The following KCNT2 variants were observed in gnomAD, a reference collection of about 807,000 sequenced individuals.
KCNT2 encodes potassium channel subfamily T member 2.
KCNT2 carries 67 observed loss-of-function variants against 153.8 expected under a neutral mutation model. The observed-to-expected ratio is 0.44, with a 90% CI of 0.36 to 0.53. KCNT2 has a LOEUF of 0.53. Among genes scored for constraint, KCNT2 ranks in the 20% least tolerant of loss-of-function variants. The pLI, the probability that KCNT2 is intolerant of heterozygous loss-of-function variation, is 0.00. For missense variants in KCNT2, 975 were observed against 1,354.8 expected (o/e 0.72, Z 4.40); for synonymous variants, 500 against 458.8 (o/e 1.09, Z -1.15).
At chr1:196,593,527 C>T (rs1663672670) in intron 1 of KCNT2, among the ~76,000 whole-genome samples, 3 of 151,340 alleles carry the variant, frequency 2.0e-5, no homozygotes, top group South Asian at 4.2e-4. Context: ...GGATTGGTTT[C>T]GAAAATAACT....
chr1:196,251,093 A>G (rs1049259570), intron 26 of KCNT2, among the ~76,000 whole-genome samples: 1 of 152,076 alleles, frequency 6.6e-6, no homozygotes, highest in Non-Finnish European at 1.5e-5. Flanking sequence ...AAACATAACT[A>G]CCATATGATC....
At chr1:196,444,153 C>G (rs1675485023) in intron 8 of KCNT2, among the ~76,000 whole-genome samples, 1 of 150,854 alleles carries the variant, frequency 6.6e-6, no homozygotes, top group Admixed American at 6.6e-5. Context: ...ATGTGTGGGT[C>G]TACAGGTATG....
At chr1:196,435,259 T>G (rs1674552960) in intron 8 of KCNT2, among the ~76,000 whole-genome samples, 1 of 147,506 alleles carries the variant, frequency 6.8e-6, no homozygotes, top group African/African-American at 2.5e-5. Context: ...CTTCACTATT[T>G]GGACTGTTTA....
At chr1:196,501,201 G>T (rs1156644509) in intron 1 of KCNT2, among the ~76,000 whole-genome samples, 4 of 152,150 alleles carry the variant, frequency 2.6e-5, no homozygotes, top group Non-Finnish European at 5.9e-5. Context: ...CAACTTCTGG[G>T]TATGTACCCA....
At chr1:196,233,059 G>T (rs116366329) in intron 27 of KCNT2, among the ~76,000 whole-genome samples, 2,135 of 151,304 alleles carry the variant, frequency 0.014, 42 homozygotes, top group African/African-American at 0.049. Context: ...AAATGTGGAT[G>T]CCATGAAAAA....
intron 1 of KCNT2, among the ~76,000 whole-genome samples, chr1:196,527,249 T>C (rs1214462261): frequency 1.3e-5 from 2 of 152,162 alleles, no homozygotes; most frequent in Non-Finnish European, 2.9e-5. Context: ...GCAAGTTATC[T>C]CTTTTATTCA....
chr1:196,409,529 C>A (rs1011688691), intron 12 of KCNT2, among the ~76,000 whole-genome samples: 3 of 151,488 alleles, frequency 2.0e-5, no homozygotes, highest in Non-Finnish European at 4.4e-5. Context: ...TTTAAAATTT[C>A]AAATTATATA....
intron 1 of KCNT2, among the ~76,000 whole-genome samples, chr1:196,547,676 A>T (rs1461114612): frequency 6.6e-6 from 1 of 151,936 alleles, no homozygotes; most frequent in African/African-American, 2.4e-5. Flanking sequence ...TCCATCCATT[A>T]TATCTACATA....
chr1:196,404,636 G>T (rs910145441), intron 12 of KCNT2, among the ~76,000 whole-genome samples: 2 of 151,318 alleles, frequency 1.3e-5, no homozygotes, highest in African/African-American at 4.8e-5. Flanking sequence ...CTTTTCTTCT[G>T]ACTACTGGTA....
chr1:196,580,074 C>T (rs1273281631), intron 1 of KCNT2, among the ~76,000 whole-genome samples: 1 of 152,134 alleles, frequency 6.6e-6, no homozygotes, highest in Non-Finnish European at 1.5e-5. Flanking sequence ...ACTTTTCCTC[C>T]TGAAACCATT....
intron 1 of KCNT2, among the ~76,000 whole-genome samples, chr1:196,595,246 T>C (rs1663902112): frequency 6.6e-6 from 1 of 152,046 alleles, no homozygotes; most frequent in Non-Finnish European, 1.5e-5. Flanking sequence ...AATAATTATA[T>C]TGATATTAAT....
intron 12 of KCNT2, among the ~76,000 whole-genome samples, chr1:196,410,084 C>T (rs539570485): frequency 1.3e-5 from 2 of 151,728 alleles, no homozygotes; most frequent in East Asian, 2.0e-4. Flanking sequence ...TTGTTGGCCA[C>T]TTGTATGTCT....
At chr1:196,376,047 A>AT (rs1321198173) in intron 13 of KCNT2, among the ~76,000 whole-genome samples, 7 of 151,950 alleles carry the variant, frequency 4.6e-5, no homozygotes, top group Non-Finnish European at 1.5e-5. Flanking sequence ...CTCTTGGGAC[A>AT]TTTTTTAGAA....
At chr1:196,241,157 G>A (rs150786747) in intron 26 of KCNT2, among the ~76,000 whole-genome samples, 1 of 151,990 alleles carries the variant, frequency 6.6e-6, no homozygotes, top group South Asian at 2.1e-4. Flanking sequence ...ATAAGTAAAA[G>A]AAATAGGTGC....
At chr1:196,395,501 T>A (rs752968621) in intron 13 of KCNT2, among the ~76,000 whole-genome samples, 16 of 151,620 alleles carry the variant, frequency 1.1e-4, no homozygotes, top group Non-Finnish European at 2.1e-4. Context: ...GCTTAAAACA[T>A]CACTTACTGG....
chr1:196,500,541 T>C (rs1680618616), intron 1 of KCNT2, among the ~76,000 whole-genome samples: 1 of 152,214 alleles, frequency 6.6e-6, no homozygotes. Context: ...CCACAAATAG[T>C]GGGCTATCCC....
intron 19 of KCNT2, among the ~76,000 whole-genome samples, chr1:196,323,510 A>G (rs931882829): frequency 3.3e-5 from 5 of 151,946 alleles, no homozygotes; most frequent in African/African-American, 1.2e-4. Context: ...AACTGACACC[A>G]GCTCTAATGA....
chr1:196,427,601 G>T lies in KCNT2; in HGVS notation c.984+504C>A, dbSNP rs148489369. 2.8e-3 allele frequency among the ~76,000 whole-genome samples: 421 copies of T among 151,978 alleles called. 1 individual carries two copies. The highest frequency in any genetic ancestry group is 9.7e-3 in the African/African-American group (403 of 41,502). On this transcript the variant is annotated intron_variant, in intron 10 of 27. Coordinates refer to ENST00000294725, the MANE Select transcript of KCNT2 (RefSeq NM_198503.5). ...TTCAGCTAGTTATTGTCCAATTTTTGGTCATGTATTGCTATACATATAGGA... is the reference window on the plus strand; with the variant it reads ...TTCAGCTAGTTATTGTCCAATTTTTTGTCATGTATTGCTATACATATAGGA...
intron 16 of KCNT2, among the ~76,000 whole-genome samples, chr1:196,338,069 G>T (rs569963143): frequency 6.6e-6 from 1 of 152,010 alleles, no homozygotes; most frequent in Non-Finnish European, 1.5e-5. Context: ...AATGAATATT[G>T]CTACTGTAGA....
Sources: allele counts gnomAD v4.1 joint callset (sites outside exome capture counted in the v4.1 genomes callset), GRCh38; gene constraint gnomAD v4.1.1; transcripts MANE v1.5; gene names NCBI Gene and HGNC (gene_info 2026-07-23, HGNC 2026-07-21).